BRAF: variants seen among roughly 807,000 people sequenced by gnomAD.
The protein encoded by BRAF is B-Raf proto-oncogene, serine/threonine kinase.
In BRAF, 16 loss-of-function variants were observed where a neutral mutation model predicts 104.6. The ratio of observed to expected loss-of-function variants is 0.15; its 90% confidence interval spans 0.10 to 0.23. The LOEUF is 0.23. Ranked by LOEUF, BRAF falls within the 10% of genes least tolerant of loss-of-function variation. The pLI, the probability that BRAF is intolerant of heterozygous loss-of-function variation, is 1.00. For missense variants in BRAF, 541 were observed against 937.3 expected (o/e 0.58, Z 5.52); for synonymous variants, 310 against 341.6 (o/e 0.91, Z 1.02).
intron 3 of BRAF, among the ~76,000 whole-genome samples, chr7:140,827,904 AT>A (rs965748711): frequency 2.0e-5 from 3 of 151,364 alleles, no homozygotes; most frequent in African/African-American, 7.3e-5. Flanking sequence ...TTATTTATTT[AT>A]TTTTTTTTGA....
At chr7:140,829,931 T>G (rs532545891) in intron 3 of BRAF, among the ~76,000 whole-genome samples, 1 of 152,238 alleles carries the variant, frequency 6.6e-6, no homozygotes, top group Non-Finnish European at 1.5e-5. Context: ...TTGGAACTTT[T>G]GCTCTCTCCA....
intron 1 of BRAF, among the ~76,000 whole-genome samples, chr7:140,889,248 G>A (rs1240170820): frequency 6.6e-6 from 1 of 152,020 alleles, no homozygotes; most frequent in Non-Finnish European, 1.5e-5. Context: ...AAATTATCCA[G>A]GCTACTTAAA....
chr7:140,782,389 C>T (rs1387019329), intron 11 of BRAF, among the ~76,000 whole-genome samples: 5 of 150,692 alleles, frequency 3.3e-5, no homozygotes, highest in Non-Finnish European at 7.4e-5. Flanking sequence ...GTGGTAACTA[C>T]TGACAATTCA....
chr7:140,912,401 T>C (rs1041703565), intron 1 of BRAF, among the ~76,000 whole-genome samples: 27 of 152,314 alleles, frequency 1.8e-4, no homozygotes, highest in African/African-American at 5.5e-4. Flanking sequence ...TCATAAAGTA[T>C]AGATGCTCCT....
intron 1 of BRAF, among the ~76,000 whole-genome samples, chr7:140,916,540 CATCTT>C (rs1817655058): frequency 6.6e-6 from 1 of 152,204 alleles, no homozygotes; most frequent in East Asian, 1.9e-4. Flanking sequence ...GGTGAATAAA[CATCTT>C]AACATATTCA....
intron 5 of BRAF, among the ~76,000 whole-genome samples, chr7:140,802,292 CTTTT>C (rs144953895): frequency 9.7e-6 from 1 of 103,310 alleles, no homozygotes; most frequent in Admixed American, 1.0e-4. Context: ...ATGTTTGTGT[CTTTT>C]TTTTTTTTTT....
chr7:140,871,024 G>A (rs62484299), intron 1 of BRAF, among the ~76,000 whole-genome samples: 8,637 of 151,750 alleles, frequency 0.057, 298 homozygotes, highest in South Asian at 0.11. Flanking sequence ...TCAGGAGATC[G>A]AGACCATCCT....
At chr7:140,894,866 A>G (rs1391401386) in intron 1 of BRAF, among the ~76,000 whole-genome samples, 1 of 152,192 alleles carries the variant, frequency 6.6e-6, no homozygotes, top group African/African-American at 2.4e-5. Flanking sequence ...ACTCACTCAG[A>G]AAAGTTGAAA....
intron 18 of BRAF, among the ~76,000 whole-genome samples, chr7:140,736,807 C>T (rs1477842064): frequency 4.6e-5 from 7 of 151,948 alleles, no homozygotes; most frequent in South Asian, 2.1e-4. Flanking sequence ...GAGGCTGAGG[C>T]GAGAGGATCG....
chr7:140,915,607 T>G (rs1283260726), intron 1 of BRAF, among the ~76,000 whole-genome samples: 1 of 152,062 alleles, frequency 6.6e-6, no homozygotes, highest in East Asian at 1.9e-4. Flanking sequence ...GCTAATTTTT[T>G]GCATTTTTAG....
At chr7:140,782,513 A>T (rs1457623289) in intron 11 of BRAF, among the ~76,000 whole-genome samples, 1 of 151,736 alleles carries the variant, frequency 6.6e-6, no homozygotes, top group Non-Finnish European at 1.5e-5. Flanking sequence ...AGGGTAAAAG[A>T]TCCTCTTATT....
chr7:140,873,582 A>T (rs62484301), intron 1 of BRAF, among the ~76,000 whole-genome samples: 45,226 of 152,072 alleles, frequency 0.3, 10,777 homozygotes, highest in African/African-American at 0.66. Context: ...GAGGGTGTTG[A>T]CAATTGATTT....
chr7:140,753,830 TAG>T, intron 15 of BRAF: 1 of 348,846 alleles, frequency 2.9e-6, no homozygotes, highest in Non-Finnish European at 5.4e-6. Flanking sequence ...TTATATAATT[TAG>T]AGTCTTCAGT....
chr7:140,753,915 T>G, intron 15 of BRAF: 1 of 509,756 alleles, frequency 2.0e-6, no homozygotes, highest in Non-Finnish European at 3.5e-6. Context: ...ACTATCAGTT[T>G]TATAGTGCTG....
In BRAF at chr7:140,725,065, T is replaced by G; in HGVS notation, c.*1429A>C. 1 of 1,046,346 alleles carries G rather than the reference T, an allele frequency of 9.6e-7. No individual in the cohort carries two copies. Among genetic ancestry groups the G allele is most frequent in the East Asian group, 5.6e-5 (1 of 17,794 alleles). 64.8% of individuals were successfully genotyped at this position (1,046,346 alleles called of 1,614,324 possible). On this transcript the variant is annotated 3_prime_UTR_variant, in exon 20 of 20. Transcript: ENST00000644969. ...TAATATCCCTAAAATTGCTCTATTCTCTGTCTGGGAATTCAGCTGCCAAAT... is the reference window on the plus strand; with the variant it reads ...TAATATCCCTAAAATTGCTCTATTCGCTGTCTGGGAATTCAGCTGCCAAAT...
Position 140,794,080 on chromosome 7 carries a change from A to G in BRAF, c.1140+228T>C, listed in dbSNP as rs566943153. Among the ~76,000 whole-genome samples the G allele has an allele frequency of 1.5e-3, 231 of 152,334 alleles. 1 individual carries two copies. In the South Asian group the frequency reaches 0.017, roughly 11 times the overall value. On this transcript the variant is annotated intron_variant, in intron 8 of 19. Transcript: ENST00000644969. ...TGACTTTTATAGAGATGGTATCATA[A>G]GGGAAAAAAATCAGAGTGACTGTAT...
At chr7:140,807,922 A>C (rs1459382660) in intron 5 of BRAF, 38 bp downstream of exon 5, 1 of 1,512,040 alleles carries the variant, frequency 6.6e-7, no homozygotes, top group East Asian at 2.3e-5. Context: ...AAATCTAAAC[A>C]TTTTTGACAT....
chr7:140,729,062 C>CAA (rs764302395), intron 19 of BRAF, among the ~76,000 whole-genome samples: 54 of 65,876 alleles, frequency 8.2e-4, no homozygotes, highest in African/African-American at 1.9e-3. Context: ...GCTGTCTCTC[C>CAA]AAAAAAAAAA....
chr7:140,917,349 C>T (rs1365419842), intron 1 of BRAF, among the ~76,000 whole-genome samples: 1 of 152,204 alleles, frequency 6.6e-6, no homozygotes, highest in Non-Finnish European at 1.5e-5. Flanking sequence ...GTGTGAGCCA[C>T]CATGCCCGGC....
Sources: gnomAD v4.1 joint callset for allele counts (sites outside exome capture counted in the v4.1 genomes callset) on GRCh38, gnomAD v4.1.1 for gene constraint, MANE v1.5 for transcripts, NCBI Gene and HGNC (gene_info 2026-07-23, HGNC 2026-07-21) for gene names.